The following FRMD5 variants were observed in gnomAD, a reference collection of about 807,000 sequenced individuals.
FRMD5 encodes FERM domain containing 5.
FRMD5 carries 20 observed loss-of-function variants against 69.0 expected under a neutral mutation model. That is an observed-to-expected ratio of 0.29 (90% CI 0.20 to 0.42). The LOEUF (loss-of-function observed/expected upper bound fraction) is 0.42. Among genes scored for constraint, FRMD5 ranks in the 10% least tolerant of loss-of-function variants. The probability of loss-of-function intolerance (pLI) is 1.00; values close to 1 mark genes in which losing one functional copy is unlikely to be tolerated. For synonymous variants in FRMD5, 271 were observed against 260.1 expected, an observed-to-expected ratio of 1.04 and a Z score of -0.40; for missense variants, 595 against 708.6, an observed-to-expected ratio of 0.84 and a Z score of 1.82.
At chr15:43,921,081 G>A (rs2089485529) in intron 2 of FRMD5, among the ~76,000 whole-genome samples, 1 of 152,226 alleles carries the variant, frequency 6.6e-6, no homozygotes, top group Non-Finnish European at 1.5e-5. Flanking sequence ...GCCACTCAAT[G>A]TGGTTAAGAG....
At chr15:44,021,625 G>C (rs952107380) in intron 1 of FRMD5, among the ~76,000 whole-genome samples, 25 of 152,240 alleles carry the variant, frequency 1.6e-4, no homozygotes, top group African/African-American at 6.0e-4. Flanking sequence ...GCATCTACTA[G>C]GATGGCTATT....
intron 1 of FRMD5, among the ~76,000 whole-genome samples, chr15:43,967,869 T>C (rs778350093): frequency 1.3e-5 from 2 of 151,996 alleles, no homozygotes; most frequent in Non-Finnish European, 2.9e-5. Flanking sequence ...CATCTAGATT[T>C]TAAGCCCCAC....
At chr15:43,945,953 G>A (rs1000695893) in intron 1 of FRMD5, among the ~76,000 whole-genome samples, 1 of 152,098 alleles carries the variant, frequency 6.6e-6, no homozygotes, top group Non-Finnish European at 1.5e-5. Context: ...CTACTTGGGA[G>A]GCTGAGACAC....
At chr15:43,930,535 C>T (rs913363644) in intron 1 of FRMD5, among the ~76,000 whole-genome samples, 2 of 152,166 alleles carry the variant, frequency 1.3e-5, no homozygotes, top group South Asian at 2.1e-4. Flanking sequence ...AGTGGTGAGG[C>T]CCCAAAGTGG....
intron 1 of FRMD5, among the ~76,000 whole-genome samples, chr15:43,956,991 G>T (rs182076569): frequency 6.6e-6 from 1 of 152,170 alleles, no homozygotes; most frequent in East Asian, 1.9e-4. Context: ...AATATCCACA[G>T]GTAGTTAAGT....
intron 1 of FRMD5, among the ~76,000 whole-genome samples, chr15:43,971,495 T>C (rs2090377053): frequency 6.6e-6 from 1 of 150,920 alleles, no homozygotes; most frequent in Admixed American, 6.6e-5. Context: ...ACCAGCCTGA[T>C]CAAGATGGCG....
chr15:43,918,964 A>G, intron 4 of FRMD5: 1 of 245,028 alleles, frequency 4.1e-6, no homozygotes. Context: ...TCCCCACAAT[A>G]GTTTATCACG....
At chr15:44,185,173 C>A (rs2078077799) in intron 1 of FRMD5, among the ~76,000 whole-genome samples, 2 of 152,196 alleles carry the variant, frequency 1.3e-5, no homozygotes, top group South Asian at 4.1e-4. Context: ...ACCAAGCAAA[C>A]TCCTCTCCTG....
At chr15:44,086,489 A>G (rs1894202139) in intron 1 of FRMD5, among the ~76,000 whole-genome samples, 1 of 152,228 alleles carries the variant, frequency 6.6e-6, no homozygotes, top group South Asian at 2.1e-4. Flanking sequence ...CTATTTATGT[A>G]AAGTATCCAG....
chr15:44,115,838 G>A (rs1247032310), intron 1 of FRMD5, among the ~76,000 whole-genome samples: 1 of 152,198 alleles, frequency 6.6e-6, no homozygotes, highest in African/African-American at 2.4e-5. Context: ...TCAGGCAGCT[G>A]CAAACGTAGA....
chr15:43,926,902 G>A (rs1478511909), intron 1 of FRMD5, among the ~76,000 whole-genome samples: 1 of 146,464 alleles, frequency 6.8e-6, no homozygotes, highest in Non-Finnish European at 1.5e-5. Flanking sequence ...CTATAAACTC[G>A]TTAACATACT....
chr15:44,103,975 T>C (rs1311408969), intron 1 of FRMD5, among the ~76,000 whole-genome samples: 1 of 152,232 alleles, frequency 6.6e-6, no homozygotes, highest in African/African-American at 2.4e-5. Flanking sequence ...TATAATTATG[T>C]ACAGTAAATA....
intron 1 of FRMD5, among the ~76,000 whole-genome samples, chr15:43,969,791 C>T (rs2090348635): frequency 6.6e-6 from 1 of 152,178 alleles, no homozygotes; most frequent in Admixed American, 6.5e-5. Context: ...GGATAGTTTC[C>T]TTGTTAAGAA....
intron 1 of FRMD5, among the ~76,000 whole-genome samples, chr15:44,136,968 G>C (rs1334539643): frequency 1.3e-5 from 2 of 152,058 alleles, no homozygotes; most frequent in African/African-American, 4.8e-5. Context: ...GAAAATTATA[G>C]CTGCCATATT....
intron 13 of FRMD5, among the ~76,000 whole-genome samples, chr15:43,881,604 C>G: frequency 6.6e-6 from 1 of 152,178 alleles, no homozygotes; most frequent in East Asian, 1.9e-4. Context: ...GCTTCCTGAT[C>G]AGAACTCTGC....
In FRMD5 at chr15:44,077,086, C is replaced by T. The variant is rs370927552; in HGVS notation, c.102+117867G>A. Among the ~76,000 whole-genome samples, 16 of 152,170 alleles carry T rather than the reference C, an allele frequency of 1.1e-4. No individual in the cohort carries two copies. In the South Asian group the frequency reaches 2.3e-3, roughly 22 times the overall value. Reference sequence around the variant, plus strand: ...TTCCCCAGAAAACATTTCTTTTGCTCACTCTCTTGGAACATTTTCCCTGGG... The same window carrying T: ...TTCCCCAGAAAACATTTCTTTTGCTTACTCTCTTGGAACATTTTCCCTGGG... On this transcript the variant is annotated intron_variant, in intron 1 of 13. Coordinates refer to ENST00000417257, the MANE Select transcript of FRMD5 (RefSeq NM_032892.5).
chr15:44,075,774 T>C (rs1361286254), intron 1 of FRMD5, among the ~76,000 whole-genome samples: 2 of 152,276 alleles, frequency 1.3e-5, no homozygotes, highest in East Asian at 1.9e-4. Context: ...TCCCCTGATA[T>C]GAGAGCAGGA....
At chr15:43,899,376 G>C (rs1436936883) in intron 7 of FRMD5, among the ~76,000 whole-genome samples, 4 of 152,114 alleles carry the variant, frequency 2.6e-5, no homozygotes, top group Non-Finnish European at 5.9e-5. Flanking sequence ...TCAGGAACAA[G>C]GGACCTGAGC....
At chr15:43,979,973 C>A (rs1346683158) in intron 1 of FRMD5, among the ~76,000 whole-genome samples, 1 of 152,102 alleles carries the variant, frequency 6.6e-6, no homozygotes, top group Non-Finnish European at 1.5e-5. Context: ...GGTAAAGGAA[C>A]CAAGACATAT....
Sources: gnomAD v4.1 joint callset for allele counts (sites outside exome capture counted in the v4.1 genomes callset) on GRCh38, gnomAD v4.1.1 for gene constraint, MANE v1.5 for transcripts, NCBI Gene and HGNC (gene_info 2026-07-23, HGNC 2026-07-21) for gene names.